Variants in UBE3B observed in about 807,000 individuals in gnomAD.
The protein encoded by UBE3B is ubiquitin protein ligase E3B, also known as ubiquitin-protein ligase E3B.
A neutral mutation model predicts 132.3 loss-of-function variants in UBE3B; 80 were observed. The ratio of observed to expected loss-of-function variants is 0.60; its 90% CI spans 0.50 to 0.73. The LOEUF is 0.73. UBE3B is among the 30% of genes least tolerant of loss of function. The probability of loss-of-function intolerance (pLI) is 0.00; values close to 1 mark genes in which losing one functional copy is unlikely to be tolerated. For synonymous variants in UBE3B, 487 were observed against 520.4 expected (o/e 0.94, Z 0.87); for missense variants, 1,196 against 1,362.5 (o/e 0.88, Z 1.92).
chr12:109,501,410 G>T lies in UBE3B; in HGVS notation c.1158G>T (p.Gln386His). The T allele has an allele frequency of 6.2e-7, 1 of 1,614,176 alleles. No individual in the cohort carries two copies. The highest frequency in any genetic ancestry group is 1.1e-5 in the South Asian group (1 of 91,082). ...TGCACTTGATCACCAAACAGCTGCA[G>T]TTCTTGTGGGGGGTGCCTCTGATCC... ...ESMHLITKQLQFLWGVPLIRI... is the reference protein window; with the variant it reads ...ESMHLITKQLHFLWGVPLIRI... Residue 386 changes from glutamine (Q) to histidine (H), a missense_variant, in exon 13 of 28, where the codon CAG becomes CAT. Transcript: ENST00000342494.
intron 18 of UBE3B, 92 bp downstream of exon 18, chr12:109,511,395 A>T (rs1880354978): frequency 8.8e-7 from 1 of 1,130,638 alleles, no homozygotes; most frequent in Admixed American, 2.0e-5. Context: ...ATTGGAGGTG[A>T]CTAAGTGGGA....
At position 109,497,905 on chromosome 12, in the gene UBE3B, C is replaced by T. The variant is rs779857014; in HGVS notation, c.801C>T (p.Leu267=). 1.2e-6 allele frequency: 2 copies of T among 1,614,202 alleles called. No homozygotes were observed. Among genetic ancestry groups the T allele is most frequent in the Admixed American group, 1.7e-5 (1 of 60,034 alleles). ...CTGTGCCTGCTCTGGTGACTCATCT[C>T]AGCACAGTGACCCCTGAGGTAAGCA... ...IMSVPALVTH[L]STVTPERLTV... Residue 267 remains leucine (L), a synonymous_variant, in exon 10 of 28, where the codon CTC becomes CTT. Coordinates refer to ENST00000342494, the MANE Select transcript of UBE3B (RefSeq NM_130466.4).
At chr12:109,531,305 G>T (rs1225386221) in intron 26 of UBE3B, among the ~76,000 whole-genome samples, 1 of 152,180 alleles carries the variant, frequency 6.6e-6, no homozygotes, top group Non-Finnish European at 1.5e-5. Flanking sequence ...CCATTGCATT[G>T]TTTTTTGTTA....
intron 2 of UBE3B, among the ~76,000 whole-genome samples, chr12:109,483,254 C>T (rs1875789021): frequency 6.6e-6 from 1 of 152,050 alleles, no homozygotes. Flanking sequence ...TAAAGCTGGG[C>T]CTGCCCTTAT....
At chr12:109,529,124 G>A (rs940016209) in intron 24 of UBE3B, among the ~76,000 whole-genome samples, 32 of 152,192 alleles carry the variant, frequency 2.1e-4, no homozygotes, top group African/African-American at 7.7e-4. Flanking sequence ...TCGCACCACT[G>A]CACTCCAGCC....
At chr12:109,528,623 G>A (rs540046316) in intron 24 of UBE3B, 5 of 387,862 alleles carry the variant, frequency 1.3e-5, no homozygotes, top group South Asian at 1.1e-4. Flanking sequence ...GGAGGCCAAG[G>A]CAGGTGGATC....
At chr12:109,526,795 T>G (rs938969583) in intron 24 of UBE3B, among the ~76,000 whole-genome samples, 1 of 150,346 alleles carries the variant, frequency 6.7e-6, no homozygotes, top group African/African-American at 2.5e-5. Flanking sequence ...CGCTTGAACC[T>G]GGGAGGTGGA....
intron 24 of UBE3B, among the ~76,000 whole-genome samples, chr12:109,526,931 C>T (rs1206872155): frequency 6.6e-6 from 1 of 151,878 alleles, no homozygotes; most frequent in East Asian, 1.9e-4. Flanking sequence ...TGCAGTAGCA[C>T]TTCTAAGGTC....
At chr12:109,540,121 GA>G (rs1205505643), downstream of UBE3B, among the ~76,000 whole-genome samples, 2 of 152,166 alleles carry the variant, frequency 1.3e-5, no homozygotes, top group African/African-American at 4.8e-5. Context: ...TTCTGCTGCC[GA>G]AGTCTTCTGC....
chr12:109,501,949 C>T (rs937476008), intron 13 of UBE3B, among the ~76,000 whole-genome samples: 1 of 152,070 alleles, frequency 6.6e-6, no homozygotes, highest in African/African-American at 2.4e-5. Context: ...CATATATGAG[C>T]CACCATACCT....
chr12:109,533,418 A>C (rs760183296), intron 26 of UBE3B, 48 bp from the exon 27 acceptor site: 124 of 1,533,032 alleles, frequency 8.1e-5, no homozygotes, highest in Non-Finnish European at 1.1e-4. Flanking sequence ...CCCGTCCTGG[A>C]AGAGCAGGAG....
At chr12:109,492,835 C>A (rs1338865389) in intron 9 of UBE3B, 1 of 151,440 alleles carries the variant, frequency 6.6e-6, no homozygotes, top group East Asian at 1.9e-4. Context: ...TACATGTAAT[C>A]AATATTTTTA....
intron 9 of UBE3B, among the ~76,000 whole-genome samples, chr12:109,494,538 T>C (rs1877926739): frequency 6.6e-6 from 1 of 152,168 alleles, no homozygotes. Context: ...CTCTTCTGTT[T>C]ATCCTTCTCC....
At chr12:109,511,737 AG>A (rs1253301356) in intron 18 of UBE3B, among the ~76,000 whole-genome samples, 1 of 152,174 alleles carries the variant, frequency 6.6e-6, no homozygotes, top group Non-Finnish European at 1.5e-5. Context: ...TTAGAAACCA[AG>A]GCTGGGAGCA....
chr12:109,491,075 C>T lies in UBE3B; in HGVS notation c.661C>T (p.Arg221Cys), dbSNP rs1391357753. The T allele has an allele frequency of 1.9e-6, 3 of 1,614,030 alleles. No homozygotes were observed. The highest frequency in any genetic ancestry group is 1.1e-5 in the South Asian group (1 of 91,066). Residue 221 changes from arginine to cysteine, a missense_variant, in exon 9 of 28, where the codon CGT (arginine) becomes TGT (cysteine). Transcript: ENST00000342494. The stretch of plus-strand genomic sequence containing the variant: ...GTTAACCCGTGGCCTGGCAAGACCC[C>T]GTCCTTGTCTATCCAAAGGCACTTT... ...ILLTRGLARP[R>C]PCLSKGTLTA... is the part of the protein sequence containing the mutation.
chr12:109,509,639 A>G lies in UBE3B; in HGVS notation c.1666A>G (p.Lys556Glu). 1 of 1,611,034 alleles carries G rather than the reference A, an allele frequency of 6.2e-7. No individual in the cohort carries two copies. The highest frequency in any genetic ancestry group is 8.5e-7 in the Non-Finnish European group (1 of 1,179,356). Residue 556 changes from lysine to glutamate, a missense_variant, in exon 16 of 28, where the codon AAA becomes GAA. By Grantham distance (56) the Lys-to-Glu change is moderately conservative. Coordinates refer to ENST00000342494, the MANE Select transcript of UBE3B (RefSeq NM_130466.4). ...IEVYEEQISFKLEELVTISSF... is the reference protein window; with the variant it reads ...IEVYEEQISFELEELVTISSF... ...AGTTTATGAAGAACAGATTTCATTC[A>G]AACTGGAAGAGCTGGTCACTATCTC...
chr12:109,484,484 C>A (rs1017824420), intron 4 of UBE3B, among the ~76,000 whole-genome samples: 1 of 152,064 alleles, frequency 6.6e-6, no homozygotes, highest in South Asian at 2.1e-4. Context: ...CTTCACCTCC[C>A]GGGTTCAAGC....
At chr12:109,511,734 CCAAGGCTGGGAG>C (rs750357911) in intron 18 of UBE3B, among the ~76,000 whole-genome samples, 8 of 152,106 alleles carry the variant, frequency 5.3e-5, no homozygotes, top group Non-Finnish European at 1.0e-4. Flanking sequence ...GCCTTAGAAA[CCAAGGCTGGGAG>C]CAAGGGCTTT....
chr12:109,534,123 T>G lies in UBE3B; in HGVS notation c.3016-468T>G, dbSNP rs1883234155. 7.7e-7 allele frequency: 1 copy of G among 1,295,030 alleles called. No individual in the cohort carries two copies. Among genetic ancestry groups the G allele is most frequent in the Non-Finnish European group, 1.0e-6 (1 of 993,714 alleles). The allele number at this position is 1,295,030 out of a possible 1,614,324, so 80.2% of individuals were successfully genotyped here. On this transcript the variant is annotated intron_variant, in intron 27 of 27. Coordinates refer to ENST00000342494, the MANE Select transcript of UBE3B (RefSeq NM_130466.4). This position sits in a 1 kb window ranked among gnomAD's most constrained non-coding sequence, Gnocchi z 5.2. ...CTCTGGGTGTAGCTGCCTCTCATGA[T>G]GCAGTTTGAGCCCGTGATGCCACCT...
Sources: allele counts gnomAD v4.1 joint callset (sites outside exome capture counted in the v4.1 genomes callset), GRCh38; gene constraint gnomAD v4.1.1; non-coding constraint Gnocchi (gnomAD v3.1); transcripts MANE v1.5; gene names NCBI Gene and HGNC (gene_info 2026-07-23, HGNC 2026-07-21).